The following MAPK10 variants were observed in gnomAD, a reference collection of about 807,000 sequenced individuals.
The protein encoded by MAPK10 is mitogen-activated protein kinase 10, also known as JNK3 alpha protein kinase.
In MAPK10, 25 loss-of-function variants were observed where a neutral mutation model predicts 59.3. That is an observed-to-expected ratio of 0.42 (90% CI 0.31 to 0.59). MAPK10 has a LOEUF of 0.59. Among genes scored for constraint, MAPK10 ranks in the 20% least tolerant of loss-of-function variants. The probability of loss-of-function intolerance (pLI) is 0.15; values close to 1 mark genes in which losing one functional copy is unlikely to be tolerated. For synonymous variants in MAPK10, 190 were observed against 200.5 expected (o/e 0.95, Z 0.44); for missense variants, 351 against 568.9 (o/e 0.62, Z 3.90).
chr4:86,365,158 A>T (rs966428165), intron 1 of MAPK10, among the ~76,000 whole-genome samples: 1 of 151,972 alleles, frequency 6.6e-6, no homozygotes, highest in Non-Finnish European at 1.5e-5. Flanking sequence ...AATATGTAAC[A>T]TCTCACCTTG....
At chr4:86,138,665 A>G (rs1264919350) in intron 4 of MAPK10, among the ~76,000 whole-genome samples, 1 of 149,992 alleles carries the variant, frequency 6.7e-6, no homozygotes, top group African/African-American at 2.4e-5. Flanking sequence ...TATTCAACAT[A>G]GTGTTGGAAG....
At chr4:86,504,052 G>A (rs905097901) in intron 1 of MAPK10, among the ~76,000 whole-genome samples, 28 of 151,990 alleles carry the variant, frequency 1.8e-4, no homozygotes, top group Admixed American at 8.5e-4. Flanking sequence ...ATCTATCAAA[G>A]TAACATTCCC....
At chr4:86,506,122 T>C (rs1755717095) in intron 1 of MAPK10, among the ~76,000 whole-genome samples, 1 of 152,130 alleles carries the variant, frequency 6.6e-6, no homozygotes, top group Non-Finnish European at 1.5e-5. Flanking sequence ...TATTCACACC[T>C]ATAAACAAAA....
chr4:86,023,249 T>C lies in MAPK10; in HGVS notation c.1253-5879A>G, dbSNP rs555508329. On this transcript the variant is annotated intron_variant, in intron 13 of 13. Coordinates refer to ENST00000641462, the MANE Select transcript of MAPK10 (RefSeq NM_138982.4). ...ATCAGAAATCAATTGATCATAAATG[T>C]AGGTATTTATTCCTGGACTCTCAAT... 6.6e-5 allele frequency among the ~76,000 whole-genome samples: 10 copies of C among 152,338 alleles called. No individual in the cohort carries two copies. In the South Asian group the frequency reaches 2.1e-3, roughly 32 times the overall value.
At chr4:86,417,897 A>T (rs1746048806) in intron 1 of MAPK10, among the ~76,000 whole-genome samples, 1 of 152,246 alleles carries the variant, frequency 6.6e-6, no homozygotes, top group African/African-American at 2.4e-5. Context: ...TACATGAAAT[A>T]GCTTTTCCAA....
intron 3 of MAPK10, among the ~76,000 whole-genome samples, chr4:86,187,377 C>T (rs961941428): frequency 8.5e-5 from 13 of 152,224 alleles, no homozygotes; most frequent in Admixed American, 2.0e-4. Flanking sequence ...TGGCAGGTGG[C>T]ATTATATGGA....
At chr4:86,112,881 T>C (rs192598386) in intron 4 of MAPK10, among the ~76,000 whole-genome samples, 46 of 152,334 alleles carry the variant, frequency 3.0e-4, no homozygotes, top group Admixed American at 2.7e-3. Context: ...ACTTCTTTTA[T>C]GAAACTGTGT....
At chr4:86,348,574 C>G (rs1046815935) in intron 2 of MAPK10, among the ~76,000 whole-genome samples, 2 of 152,120 alleles carry the variant, frequency 1.3e-5, no homozygotes, top group Non-Finnish European at 2.9e-5. Flanking sequence ...CTCTAAAAAG[C>G]TCTTCATACT....
At chr4:86,098,909 GCAGGTGA>G in intron 8 of MAPK10, 1 of 247,780 alleles carries the variant, frequency 4.0e-6, no homozygotes, top group Non-Finnish European at 7.9e-6. Flanking sequence ...TATCTCCATG[GCAGGTGA>G]CAGCTAAAAG....
chr4:86,555,609 A>G (rs1404838342), intron 1 of MAPK10, among the ~76,000 whole-genome samples: 1 of 152,212 alleles, frequency 6.6e-6, no homozygotes, highest in Non-Finnish European at 1.5e-5. Context: ...TGAGCAACCA[A>G]ATGCTGGTAT....
intron 2 of MAPK10, among the ~76,000 whole-genome samples, chr4:86,275,694 G>A (rs1049695968): frequency 2.6e-5 from 4 of 152,008 alleles, no homozygotes; most frequent in Admixed American, 1.3e-4. Flanking sequence ...TAGAAAATAT[G>A]TATGAAAATA....
At chr4:86,394,779 G>A (rs1434116488) in intron 1 of MAPK10, among the ~76,000 whole-genome samples, 1 of 152,164 alleles carries the variant, frequency 6.6e-6, no homozygotes, top group South Asian at 2.1e-4. Flanking sequence ...TACAATGACA[G>A]AGTTTTCCAA....
intron 2 of MAPK10, among the ~76,000 whole-genome samples, chr4:86,300,198 C>A (rs2095443083): frequency 6.6e-6 from 1 of 152,088 alleles, no homozygotes; most frequent in African/African-American, 2.4e-5. Context: ...TGGCCTAATA[C>A]ATTTCTTACA....
intron 5 of MAPK10, among the ~76,000 whole-genome samples, chr4:86,106,353 T>A (rs774435373): frequency 2.4e-4 from 36 of 151,776 alleles, no homozygotes; most frequent in Admixed American, 3.3e-4. Context: ...ATAGCTATTA[T>A]ACTATAGAAT....
chr4:86,101,999 T>A lies in MAPK10; in HGVS notation c.459A>T (p.Leu153Phe), dbSNP rs757457303. 6.2e-7 allele frequency: 1 copy of A among 1,613,908 alleles called. No individual in the cohort carries two copies. The highest frequency in any genetic ancestry group is 1.3e-5 in the African/African-American group (1 of 74,940). ...YLVMELMDAN[L>F]CQVIQMELDH... is the part of the protein sequence containing the mutation. ...CTAATTCCATCTGAATCACTTGACA[T>A]AAGTTGGCATCCATCAGTTCCATTA... Residue 153 changes from leucine (L) to phenylalanine (F), a missense_variant, in exon 7 of 14, where the codon TTA becomes TTT. Coordinates refer to ENST00000641462, the MANE Select transcript of MAPK10 (RefSeq NM_138982.4).
At chr4:86,573,746 C>A (rs1761644386) in intron 1 of MAPK10, among the ~76,000 whole-genome samples, 1 of 152,230 alleles carries the variant, frequency 6.6e-6, no homozygotes, top group South Asian at 2.1e-4. Flanking sequence ...ATTAAGTTTT[C>A]TCTCATTTCA....
chr4:86,346,750 A>C (rs1377271384), intron 2 of MAPK10, among the ~76,000 whole-genome samples: 1 of 116,182 alleles, frequency 8.6e-6, no homozygotes, highest in Admixed American at 9.1e-5. Flanking sequence ...AAAAAAAAAA[A>C]AACACATCTA....
At chr4:86,501,169 T>G (rs961628471) in intron 1 of MAPK10, among the ~76,000 whole-genome samples, 3 of 144,182 alleles carry the variant, frequency 2.1e-5, no homozygotes, top group Admixed American at 6.9e-5. Context: ...TCATTTGAAA[T>G]TAGCAATAAT....
At chr4:86,393,056 G>T (rs1742450209) in intron 1 of MAPK10, among the ~76,000 whole-genome samples, 1 of 152,232 alleles carries the variant, frequency 6.6e-6, no homozygotes, top group African/African-American at 2.4e-5. Context: ...TTGAGGCAGA[G>T]CACACTTGCC....
Sources: allele counts gnomAD v4.1 joint callset (sites outside exome capture counted in the v4.1 genomes callset), GRCh38; gene constraint gnomAD v4.1.1; transcripts MANE v1.5; gene names NCBI Gene and HGNC (gene_info 2026-07-23, HGNC 2026-07-21).